WIPF1: variants seen among roughly 807,000 people sequenced by gnomAD.
WIPF1 encodes WAS/WASL interacting protein family member 1, also known as WAS/WASL-interacting protein family member 1.
A neutral mutation model predicts 35.4 loss-of-function variants in WIPF1; 13 were observed. The observed-to-expected ratio is 0.37, with a 90% CI of 0.24 to 0.58. The LOEUF is 0.58. Ranked by LOEUF, WIPF1 falls within the 20% of genes least tolerant of loss-of-function variation. WIPF1 has a pLI of 0.74. For synonymous variants in WIPF1, 267 were observed against 266.3 expected (o/e 1.00, Z -0.02); for missense variants, 591 against 667.0 (o/e 0.89, Z 1.25).
At chr2:174,598,999 AG>A (rs1685908984), upstream of WIPF1, among the ~76,000 whole-genome samples, 1 of 152,262 alleles carries the variant, frequency 6.6e-6, no homozygotes, top group Non-Finnish European at 1.5e-5. Flanking sequence ...TAACAGTCAA[AG>A]AATTTAAAAG....
Position 174,679,950 on chromosome 2 carries a change from C to T in WIPF1, c.-39+2824G>A, listed in dbSNP as rs139220289. Among the ~76,000 whole-genome samples, 523 of 152,308 alleles carry T rather than the reference C, an allele frequency of 3.4e-3. 1 individual carries two copies. Among genetic ancestry groups the T allele is most frequent in the Non-Finnish European group, 4.5e-3 (308 of 68,034 alleles). On this transcript the variant is annotated intron_variant, in intron 1 of 8. Coordinates refer to the WIPF1 transcript ENST00000272746. The stretch of plus-strand genomic sequence containing the variant: ...CAATTGGAGAAGAGATGGTGGGACA[C>T]GGTGTGAATGTGCTGATTAATCTTT...
intron 5 of WIPF1, 87 bp from the exon 6 acceptor site, chr2:174,568,160 TG>T: frequency 7.1e-7 from 1 of 1,400,140 alleles, no homozygotes; most frequent in Non-Finnish European, 9.6e-7. Flanking sequence ...GATGAGGACT[TG>T]CTGGACACAT....
chr2:174,600,073 G>A (rs1032266445), upstream of WIPF1, among the ~76,000 whole-genome samples: 13 of 152,278 alleles, frequency 8.5e-5, no homozygotes, highest in East Asian at 9.7e-4. Context: ...AATCTAATGC[G>A]CAGCTGATCT....
chr2:174,633,980 AAAGGAAACTT>A (rs1258730156), intron 1 of WIPF1, among the ~76,000 whole-genome samples: 5 of 152,256 alleles, frequency 3.3e-5, no homozygotes, highest in Non-Finnish European at 7.3e-5. Context: ...AAAAATAAAA[AAAGGAAACTT>A]AAGAATTTAT....
intron 5 of WIPF1, 39 bp from the exon 6 acceptor site, chr2:174,568,112 C>A (rs1684722250): frequency 6.3e-7 from 1 of 1,585,726 alleles, no homozygotes; most frequent in East Asian, 2.3e-5. Context: ...AACCTTACAT[C>A]CACATTCCAT....
intron 1 of WIPF1, among the ~76,000 whole-genome samples, chr2:174,651,512 C>T (rs945998250): frequency 6.6e-6 from 1 of 152,230 alleles, no homozygotes; most frequent in African/African-American, 2.4e-5. Flanking sequence ...TTGCCTCTCA[C>T]TCTGGGTCCC....
At chr2:174,632,740 A>G (rs1054971494) in intron 1 of WIPF1, among the ~76,000 whole-genome samples, 1 of 141,424 alleles carries the variant, frequency 7.1e-6, no homozygotes, top group Non-Finnish European at 1.5e-5. Flanking sequence ...AAAAAAAGAC[A>G]TCAGGCCCAT....
At chr2:174,604,076 C>T (rs996352984) in intron 1 of WIPF1, among the ~76,000 whole-genome samples, 16 of 152,094 alleles carry the variant, frequency 1.1e-4, no homozygotes, top group African/African-American at 2.2e-4. Context: ...GGTATTCCAA[C>T]GACAGTAGCA....
intron 7 of WIPF1, among the ~76,000 whole-genome samples, chr2:174,562,893 G>C (rs1257558402): frequency 6.6e-6 from 1 of 152,128 alleles, no homozygotes; most frequent in African/African-American, 2.4e-5. Context: ...AGAAAATATG[G>C]ATGAGTAAAA....
At chr2:174,593,736 T>C (rs2105863206) in intron 1 of WIPF1, among the ~76,000 whole-genome samples, 1 of 152,258 alleles carries the variant, frequency 6.6e-6, no homozygotes. Flanking sequence ...TTGCCTGGAG[T>C]TTCTATTTTA....
chr2:174,623,373 G>A (rs532151985), intron 1 of WIPF1: 3 of 152,334 alleles, frequency 2.0e-5, no homozygotes, highest in African/African-American at 7.2e-5. Flanking sequence ...AAGTTTGGGG[G>A]AGAAACTGCT....
chr2:174,652,879 C>T lies in WIPF1; in HGVS notation c.-39+29895G>A, dbSNP rs7590564. On this transcript the variant is annotated intron_variant, in intron 1 of 8. Transcript: ENST00000272746. Reference sequence around the variant, plus strand: ...ATAATCCTTAATTTAGATTAGGTGGCGGGTATTTCCTAGATTTATGGTTTT... The same window carrying T: ...ATAATCCTTAATTTAGATTAGGTGGTGGGTATTTCCTAGATTTATGGTTTT... 7.3e-4 allele frequency among the ~76,000 whole-genome samples: 111 copies of T among 151,598 alleles called. 1 individual carries two copies. In the Middle Eastern group the frequency reaches 0.01, roughly 14 times the overall value.
At chr2:174,609,766 G>A (rs1366025573) in intron 1 of WIPF1, among the ~76,000 whole-genome samples, 1 of 152,182 alleles carries the variant, frequency 6.6e-6, no homozygotes, top group African/African-American at 2.4e-5. Context: ...CACTGCTTCT[G>A]GTGGTCCTGG....
intron 1 of WIPF1, among the ~76,000 whole-genome samples, chr2:174,594,308 T>C (rs1285683714): frequency 6.6e-6 from 1 of 152,206 alleles, no homozygotes; most frequent in Admixed American, 6.5e-5. Flanking sequence ...TCACTAAGAC[T>C]GGCTAGGAGC....
At position 174,650,693 on chromosome 2, in the gene WIPF1, T is replaced by C. The variant is rs559864120; in HGVS notation, c.-39+32081A>G. Among the ~76,000 whole-genome samples the C allele has an allele frequency of 2.0e-5, 3 of 152,328 alleles. No homozygotes were observed. In the East Asian group the frequency reaches 5.8e-4, roughly 29 times the overall value. On this transcript the variant is annotated intron_variant, in intron 1 of 8. Transcript: ENST00000272746. ...CAGAGAAACAGGTATCTAAATAAGA[T>C]AGAAAGTCTTTGACAAATAGAAAGC...
At chr2:174,576,263 T>C (rs532749534) in intron 3 of WIPF1, among the ~76,000 whole-genome samples, 32 of 140,948 alleles carry the variant, frequency 2.3e-4, no homozygotes, top group African/African-American at 7.2e-4. Flanking sequence ...TAAGCAAATA[T>C]CCACAATTGA....
chr2:174,585,030 G>A (rs1436480563), intron 2 of WIPF1, among the ~76,000 whole-genome samples: 1 of 152,194 alleles, frequency 6.6e-6, no homozygotes, highest in African/African-American at 2.4e-5. Flanking sequence ...GTGGTGGAGG[G>A]AGATATTTGT....
intron 1 of WIPF1, among the ~76,000 whole-genome samples, chr2:174,658,047 T>G (rs2105970771): frequency 6.6e-6 from 1 of 152,188 alleles, no homozygotes; most frequent in South Asian, 2.1e-4. Context: ...AATGAAAAAC[T>G]TATTCTTTAA....
chr2:174,577,974 A>T (rs1312883357), intron 3 of WIPF1, among the ~76,000 whole-genome samples: 1 of 151,284 alleles, frequency 6.6e-6, no homozygotes, highest in Non-Finnish European at 1.5e-5. Flanking sequence ...GTAACATCTG[A>T]TTGATTTAGA....
Sources: gnomAD v4.1 joint callset for allele counts (sites outside exome capture counted in the v4.1 genomes callset) on GRCh38, gnomAD v4.1.1 for gene constraint, MANE v1.5 for transcripts, NCBI Gene and HGNC (gene_info 2026-07-23, HGNC 2026-07-21) for gene names.